The following TMEM129 variants were observed in gnomAD, a reference collection of about 807,000 sequenced individuals.
TMEM129 encodes E3 ubiquitin-protein ligase TM129.
TMEM129 carries 35 observed loss-of-function variants against 34.1 expected under a neutral mutation model. That is an observed-to-expected ratio of 1.03 (90% CI 0.78 to 1.36). The LOEUF (loss-of-function observed/expected upper bound fraction) is 1.36. Ranked by LOEUF, TMEM129 falls within the 40% of genes most tolerant of loss-of-function variation. The pLI is 0.00. For synonymous variants in TMEM129, 239 were observed against 217.3 expected (o/e 1.10, Z -0.88); for missense variants, 504 against 512.6 (o/e 0.98, Z 0.16).
At chr4:1,718,980 T>C in intron 1 of TMEM129, 1 of 1,251,140 alleles carries the variant, frequency 8.0e-7, no homozygotes, top group Non-Finnish European at 1.0e-6. Context: ...AGTCTCTCAA[T>C]CTCACCCGCT....
chr4:1,718,084 C>T (rs988836334), intron 2 of TMEM129, 68 bp downstream of exon 2: 50 of 1,397,748 alleles, frequency 3.6e-5, no homozygotes, highest in Admixed American at 3.2e-4. Flanking sequence ...TCCCAGGGGT[C>T]GTGGCACCAG....
Position 1,720,700 on chromosome 4 carries a change from G to A in TMEM129, c.138C>T (p.Ala46=). 1 of 1,555,130 alleles carries A rather than the reference G, an allele frequency of 6.4e-7. No individual in the cohort carries two copies. The highest frequency in any genetic ancestry group is 8.7e-7 in the Non-Finnish European group (1 of 1,150,694). The change falls in exon 1 of 4, where the codon GCC becomes GCT. Residue 46 remains alanine, a synonymous_variant. Transcript: ENST00000382936. The surrounding 1 kb of genome is among the most constrained non-coding windows in gnomAD (Gnocchi z 4.4). ...LLSGWLGSED[A]AFVPFHLRRT... ...GGCGCAAGTGGAAGGGCACGAAGGC[G>A]GCGTCCTCGCTGCCCAGCCAGCCCG...
chr4:1,718,145 C>G lies in TMEM129; in HGVS notation c.680+7G>C. ...CCTCCGCAGCCCCACAGGCACCACA[C>G]TCTTACCAGATGTCAAAGGCCTGCA... On this transcript the variant is annotated splice_region_variant and intron_variant, in intron 2 of 3. Coordinates refer to ENST00000382936, the MANE Select transcript of TMEM129 (RefSeq NM_001127266.2). The G allele has an allele frequency of 6.5e-7, 1 of 1,541,714 alleles. No individual in the cohort carries two copies. Among genetic ancestry groups the G allele is most frequent in the South Asian group, 1.2e-5 (1 of 84,082 alleles).
Position 1,720,805 on chromosome 4 carries a change from G to T in TMEM129, c.33C>A (p.Ala11=). The T allele has an allele frequency of 6.3e-7, 1 of 1,594,928 alleles. No individual in the cohort carries two copies. Residue 11 remains alanine, a synonymous_variant, in exon 1 of 4, where the codon GCC becomes GCA. Transcript: ENST00000382936. The surrounding 1 kb of genome is among the most constrained non-coding windows in gnomAD (Gnocchi z 4.4). MDSPEVTFTL[A]YLVFAVCFVF... Reference sequence around the variant, plus strand: ...CGAAGCACACGGCGAACACCAGATAGGCGAGAGTGAAGGTCACCTCGGGGC... The same window carrying T: ...CGAAGCACACGGCGAACACCAGATATGCGAGAGTGAAGGTCACCTCGGGGC...
In TMEM129 at chr4:1,720,773, G is replaced by A; in HGVS notation, c.65C>T (p.Thr22Met). 6.3e-7 allele frequency: 1 copy of A among 1,593,138 alleles called. No homozygotes were observed. Among genetic ancestry groups the A allele is most frequent in the East Asian group, 2.3e-5 (1 of 43,186 alleles). The change falls in exon 1 of 4, where the codon ACG (threonine) becomes ATG (methionine). Residue 22 changes from threonine (T) to methionine (M), a missense_variant. Coordinates refer to ENST00000382936, the MANE Select transcript of TMEM129 (RefSeq NM_001127266.2). This position sits in a 1 kb window ranked among gnomAD's most constrained non-coding sequence, Gnocchi z 4.4. Reference sequence around the variant, plus strand: ...CCCCGCCGCGTGGAACTCGTTGGGCGTGAACACGAAGCACACGGCGAACAC... The same window carrying A: ...CCCCGCCGCGTGGAACTCGTTGGGCATGAACACGAAGCACACGGCGAACAC... ...YLVFAVCFVFTPNEFHAAGLT... is the reference protein window; with the variant it reads ...YLVFAVCFVFMPNEFHAAGLT...
chr4:1,720,641 AG>A lies in TMEM129; in HGVS notation c.196del (p.Leu66CysfsTer36). The A allele has an allele frequency of 6.5e-7, 1 of 1,541,668 alleles. No individual in the cohort carries two copies. Among genetic ancestry groups the A allele is most frequent in the Non-Finnish European group, 8.7e-7 (1 of 1,145,632 alleles). On this transcript the variant is annotated frameshift_variant, in exon 1 of 4. Coordinates refer to ENST00000382936, the MANE Select transcript of TMEM129 (RefSeq NM_001127266.2). LOFTEE classifies it high-confidence loss of function. This position sits in a 1 kb window ranked among gnomAD's most constrained non-coding sequence, Gnocchi z 4.4. ...TAATLLCHSL[L>X]PLGYYVGMCL... ...GGCCCGAGCAGCCTCACCGAGCGGC[AG>A]CAGCGAGTGGCACAACAGCGTGGCG...
At position 1,719,082 on chromosome 4, in the gene TMEM129, AGAG is replaced by A. The variant is rs569535381; in HGVS notation, c.206-459_206-457del. ...TCTCAAAGAATGATGGGACATGTCC[AGAG>A]GACACGGAGCCAGCTTCAGGGCCCT... On this transcript the variant is annotated intron_variant, in intron 1 of 3. Transcript: ENST00000382936. 161 of 1,284,376 alleles carry A rather than the reference AGAG, an allele frequency of 1.3e-4. 2 individuals are homozygous for A. In the South Asian group the frequency reaches 1.8e-3, roughly 15 times the overall value. The allele number at this position is 1,284,376 out of a possible 1,614,324, so 79.6% of individuals were successfully genotyped here.
In TMEM129 at chr4:1,720,569, C is replaced by A; in HGVS notation, c.205+64G>T. ...GCCTCGGGGAGCTGGCGGAGGCCTCCTCCTGACCTCCCAGCAAGCCCTGCG... is the reference window on the plus strand; with the variant it reads ...GCCTCGGGGAGCTGGCGGAGGCCTCATCCTGACCTCCCAGCAAGCCCTGCG... On this transcript the variant is annotated intron_variant, in intron 1 of 3. Coordinates refer to ENST00000382936, the MANE Select transcript of TMEM129 (RefSeq NM_001127266.2). The surrounding 1 kb of genome is among the most constrained non-coding windows in gnomAD (Gnocchi z 4.4). 1 of 1,487,450 alleles carries A rather than the reference C, an allele frequency of 6.7e-7. No individual in the cohort carries two copies. Among genetic ancestry groups the A allele is most frequent in the Non-Finnish European group, 8.9e-7 (1 of 1,119,328 alleles). The allele number at this position is 1,487,450 out of a possible 1,614,324, so 92.1% of individuals were successfully genotyped here.
chr4:1,719,282 A>G (rs1011517314), intron 1 of TMEM129: 7 of 454,966 alleles, frequency 1.5e-5, no homozygotes, highest in Non-Finnish European at 2.7e-5. Context: ...GGCCGGGTGC[A>G]GTGGCTCACA....
At chr4:1,718,942 G>A (rs901175589) in intron 1 of TMEM129, 1 of 1,256,872 alleles carries the variant, frequency 8.0e-7, no homozygotes, top group African/African-American at 1.5e-5. Context: ...CCCCTGGCCT[G>A]CCAGGGCAGC....
chr4:1,718,604 A>G lies in TMEM129; in HGVS notation c.228T>C (p.Leu76=). 6 of 1,458,798 alleles carry G rather than the reference A, an allele frequency of 4.1e-6. No individual in the cohort carries two copies. Among genetic ancestry groups the G allele is most frequent in the Non-Finnish European group, 5.4e-6 (6 of 1,104,564 alleles). The allele number at this position is 1,458,798 out of a possible 1,614,324, so 90.4% of individuals were successfully genotyped here. A position where few individuals can be genotyped will look rare whatever the true frequency, so the allele number is the denominator to read the frequency against. The change falls in exon 2 of 4, where the codon CTT becomes CTC. Residue 76 remains leucine, a synonymous_variant. Transcript: ENST00000382936. ...CGTGGAGCCGCTTTTCTGAAGCCGC[A>G]AGGCACATGCCCACATAGTAGCCTG... The part of the protein sequence containing the change: ...LPLGYYVGMC[L]AASEKRLHAL...
chr4:1,717,917 G>A (rs1577196119), intron 2 of TMEM129: 1 of 680,888 alleles, frequency 1.5e-6, no homozygotes. Context: ...GAATCTGGGG[G>A]AGGTGGCTCC....
chr4:1,718,772 G>T, intron 1 of TMEM129, 146 bp from the exon 2 acceptor site: 24 of 1,406,358 alleles, frequency 1.7e-5, no homozygotes, highest in Non-Finnish European at 2.2e-5. Flanking sequence ...TTCCCCAGCC[G>T]GCCACTCTCT....
Position 1,717,572 on chromosome 4 carries a change from C to T in TMEM129, c.784G>A (p.Glu262Lys). The change falls in exon 3 of 4, where the codon GAG (glutamate) becomes AAG (lysine). Residue 262 changes from glutamate (E) to lysine (K), a missense_variant. Transcript: ENST00000382936. Reference sequence around the variant, plus strand: ...ACCTCTACCAGGGAGGCAAATGTCTCCAGGAACAGGTCGCCCAGGCTCTGG... The same window carrying T: ...ACCTCTACCAGGGAGGCAAATGTCTTCAGGAACAGGTCGCCCAGGCTCTGG... Reference protein sequence around the residue: ...IHQSLGDLFLETFASLVEVNP... With the variant: ...IHQSLGDLFLKTFASLVEVNP... The T allele has an allele frequency of 6.5e-7, 1 of 1,549,632 alleles. No homozygotes were observed. The highest frequency in any genetic ancestry group is 8.7e-7 in the Non-Finnish European group (1 of 1,146,288).
Position 1,720,636 on chromosome 4 carries a change from G to C in TMEM129, c.202C>G (p.Leu68Val). The C allele has an allele frequency of 6.5e-7, 1 of 1,539,426 alleles. No homozygotes were observed. The highest frequency in any genetic ancestry group is 2.0e-5 in the Admixed American group (1 of 50,858). The change falls in exon 1 of 4, where the codon CTC becomes GTC. Residue 68 changes from leucine (L) to valine (V), a missense_variant. Coordinates refer to ENST00000382936, the MANE Select transcript of TMEM129 (RefSeq NM_001127266.2). The surrounding 1 kb of genome is among the most constrained non-coding windows in gnomAD (Gnocchi z 4.4). ...CGGCCGGCCCGAGCAGCCTCACCGA[G>C]CGGCAGCAGCGAGTGGCACAACAGC... ...ATLLCHSLLP[L>V]GYYVGMCLAA...
In TMEM129 at chr4:1,717,120, C is replaced by T. The variant is rs922209728; in HGVS notation, c.*60G>A. On this transcript the variant is annotated 3_prime_UTR_variant, in exon 4 of 4. Transcript: ENST00000382936. ...TTGCCAGCCAGGAGGCCCAGCCACC[C>T]CCTTCCCTGCCCTGTGGCTTTGGGG... The T allele has an allele frequency of 1.0e-5, 14 of 1,379,598 alleles. No individual in the cohort carries two copies. The highest frequency in any genetic ancestry group is 1.3e-5 in the Non-Finnish European group (14 of 1,066,986). 85.5% of individuals were successfully genotyped at this position (1,379,598 alleles called of 1,614,324 possible).
intron 1 of TMEM129, among the ~76,000 whole-genome samples, chr4:1,719,681 C>T (rs919899530): frequency 6.6e-6 from 1 of 152,238 alleles, no homozygotes; most frequent in Non-Finnish European, 1.5e-5. Context: ...CCCTCATAGG[C>T]CTCTGGGGAG....
chr4:1,717,798 G>GACCAA, intron 2 of TMEM129, 123 bp from the exon 3 acceptor site: 1 of 1,353,114 alleles, frequency 7.4e-7, no homozygotes, highest in Non-Finnish European at 9.8e-7. Context: ...TGGCCCTAAG[G>GACCAA]CCAGAGCCCA....
chr4:1,718,854 A>G, intron 1 of TMEM129: 1 of 1,399,020 alleles, frequency 7.1e-7, no homozygotes, highest in East Asian at 2.6e-5. Context: ...TTCACACAAT[A>G]CGTAAGTGTT....
Sources: gnomAD v4.1 joint callset for allele counts (sites outside exome capture counted in the v4.1 genomes callset) on GRCh38, gnomAD v4.1.1 for gene constraint, Gnocchi (gnomAD v3.1) non-coding constraint, MANE v1.5 for transcripts, NCBI Gene and HGNC (gene_info 2026-07-23, HGNC 2026-07-21) for gene names.